ARMC9: variants seen among roughly 807,000 people sequenced by gnomAD.
ARMC9 encodes the protein lisH domain-containing protein ARMC9.
Under a neutral mutation model 107.0 loss-of-function variants are expected in ARMC9, and 94 were observed. The ratio of observed to expected loss-of-function variants is 0.88; its 90% confidence interval spans 0.74 to 1.04. ARMC9 has a LOEUF of 1.04. Ranked by LOEUF, ARMC9 falls within the 50% of genes least tolerant of loss-of-function variation. The pLI, the probability that ARMC9 is intolerant of heterozygous loss-of-function variation, is 0.00. For synonymous variants in ARMC9, 380 were observed against 396.9 expected (o/e 0.96, Z 0.51); for missense variants, 942 against 1,030.1 (o/e 0.91, Z 1.17).
chr2:231,211,194 C>T (rs2032807546), intron 3 of ARMC9, among the ~76,000 whole-genome samples: 1 of 151,866 alleles, frequency 6.6e-6, no homozygotes, highest in Non-Finnish European at 1.5e-5. Context: ...TTGATGGACA[C>T]TTGGGTTGCT....
intron 22 of ARMC9, among the ~76,000 whole-genome samples, chr2:231,359,193 T>G (rs956093134): frequency 1.3e-5 from 2 of 151,844 alleles, no homozygotes; most frequent in Non-Finnish European, 2.9e-5. Context: ...TTCAAGTGAT[T>G]CCCCTGCCTC....
intron 20 of ARMC9, among the ~76,000 whole-genome samples, chr2:231,339,678 G>A (rs964297158): frequency 1.3e-5 from 2 of 152,204 alleles, no homozygotes; most frequent in East Asian, 1.9e-4. Flanking sequence ...AGTGGCTCAC[G>A]CCTGTAATCC....
rs76645801 is a variant in ARMC9, at chr2:231,281,223, G to C, written c.1552-836G>C. Among the ~76,000 whole-genome samples the C allele has an allele frequency of 5.3e-5, 8 of 152,030 alleles. No homozygotes were observed. In the East Asian group the frequency reaches 1.4e-3, roughly 26 times the overall value. On this transcript the variant is annotated intron_variant, in intron 16 of 24. Transcript: ENST00000611582. ...AAGCGGAAGTGAGTGGCCTGTATGGGGGCAGTGGGGCGGGGGTGGGTTCAG... is the reference window on the plus strand; with the variant it reads ...AAGCGGAAGTGAGTGGCCTGTATGGCGGCAGTGGGGCGGGGGTGGGTTCAG...
At chr2:231,199,437 G>T (rs1239720882) in intron 1 of ARMC9, among the ~76,000 whole-genome samples, 2 of 152,190 alleles carry the variant, frequency 1.3e-5, no homozygotes, top group Non-Finnish European at 2.9e-5. Context: ...TCTGATTTAG[G>T]TGGTCCAGAC....
At chr2:231,204,865 A>G (rs2031722167) in intron 1 of ARMC9, among the ~76,000 whole-genome samples, 1 of 152,230 alleles carries the variant, frequency 6.6e-6, no homozygotes, top group Admixed American at 6.5e-5. Flanking sequence ...TCAGGTTTAC[A>G]GAACAAATGG....
At chr2:231,216,904 C>A in intron 5 of ARMC9, 111 bp downstream of exon 5, 1 of 1,262,008 alleles carries the variant, frequency 7.9e-7, no homozygotes, top group Non-Finnish European at 1.1e-6. Context: ...AATTTGCTTA[C>A]ATTAGTATTA....
At chr2:231,221,981 A>G (rs2034188899) in intron 5 of ARMC9, among the ~76,000 whole-genome samples, 1 of 152,090 alleles carries the variant, frequency 6.6e-6, no homozygotes, top group Non-Finnish European at 1.5e-5. Context: ...AAGGATGGAA[A>G]GGTCTGAGGG....
At chr2:231,363,831 C>G (rs1232749024) in intron 23 of ARMC9, among the ~76,000 whole-genome samples, 1 of 146,530 alleles carries the variant, frequency 6.8e-6, no homozygotes, top group African/African-American at 2.6e-5. Flanking sequence ...TTGCAGTGAG[C>G]CGAGATCGCA....
rs1365831022 is a variant in ARMC9, at chr2:231,239,948, C to T, written c.786C>T (p.Thr262=). ...LEATVSGKMI[T]PEYLQSVCVR... ...TCTTTGTATCCTCCTTGCAGATCAC[C>T]CCTGAGTACCTCCAGAGCGTCTGTG... is the stretch of plus-strand genomic sequence containing the variant. Residue 262 remains threonine, a synonymous_variant, in exon 9 of 25, where the codon ACC becomes ACT. Transcript: ENST00000611582. 6.2e-7 allele frequency: 1 copy of T among 1,613,878 alleles called. No individual in the cohort carries two copies. The highest frequency in any genetic ancestry group is 8.5e-7 in the Non-Finnish European group (1 of 1,179,828).
At chr2:231,276,856 A>T in intron 15 of ARMC9, 81 bp downstream of exon 15, 1 of 1,552,296 alleles carries the variant, frequency 6.4e-7, no homozygotes, top group Non-Finnish European at 8.7e-7. Context: ...TGAGCCTGAT[A>T]TGGTTTGCTT....
chr2:231,355,971 A>T, intron 22 of ARMC9, 37 bp downstream of exon 22: 1 of 1,522,526 alleles, frequency 6.6e-7, no homozygotes. Flanking sequence ...CAGTTCTGGG[A>T]TTGTGATGTC....
chr2:231,280,668 A>G (rs531933041), intron 16 of ARMC9, among the ~76,000 whole-genome samples: 25 of 152,296 alleles, frequency 1.6e-4, no homozygotes, highest in Admixed American at 3.9e-4. Context: ...TTGATTGGAA[A>G]AAGATGCCAT....
chr2:231,245,888 AG>A (rs2036717934), intron 9 of ARMC9, among the ~76,000 whole-genome samples: 1 of 152,152 alleles, frequency 6.6e-6, no homozygotes, highest in Non-Finnish European at 1.5e-5. Flanking sequence ...ATGCCACGAG[AG>A]GGGGCTGTTC....
intron 15 of ARMC9, 127 bp downstream of exon 15, chr2:231,276,902 T>A: frequency 7.6e-7 from 1 of 1,314,148 alleles, no homozygotes; most frequent in African/African-American, 1.5e-5. Flanking sequence ...GAAAAAGGAG[T>A]AGAAAGCATT....
chr2:231,247,623 T>C (rs550307983), intron 9 of ARMC9, among the ~76,000 whole-genome samples: 2 of 152,210 alleles, frequency 1.3e-5, no homozygotes, highest in African/African-American at 4.8e-5. Flanking sequence ...ACCAACCTGG[T>C]GATGAGAGGG....
At chr2:231,256,855 C>T (rs1199579161) in intron 10 of ARMC9, among the ~76,000 whole-genome samples, 6 of 152,124 alleles carry the variant, frequency 3.9e-5, no homozygotes, top group Non-Finnish European at 8.8e-5. Context: ...GACAGAGTTT[C>T]GCTCTTGTTG....
intron 7 of ARMC9, among the ~76,000 whole-genome samples, chr2:231,228,509 G>A (rs2034885875): frequency 1.3e-5 from 2 of 152,206 alleles, no homozygotes; most frequent in Admixed American, 6.5e-5. Context: ...CATGTTGCCT[G>A]GTTTCCAAGG....
intron 19 of ARMC9, among the ~76,000 whole-genome samples, chr2:231,325,769 G>A (rs2043279497): frequency 6.6e-6 from 1 of 152,202 alleles, no homozygotes; most frequent in Non-Finnish European, 1.5e-5. Context: ...CCGTCCCAGA[G>A]TTGACTTGGG....
At chr2:231,213,625 C>T (rs542677203) in intron 3 of ARMC9, among the ~76,000 whole-genome samples, 187 of 152,060 alleles carry the variant, frequency 1.2e-3, no homozygotes, top group Non-Finnish European at 2.1e-3. Flanking sequence ...TATAGGCATG[C>T]ACCACCATGC....
Sources: gnomAD v4.1 joint callset for allele counts (sites outside exome capture counted in the v4.1 genomes callset) on GRCh38, gnomAD v4.1.1 for gene constraint, MANE v1.5 for transcripts, NCBI Gene and HGNC (gene_info 2026-07-23, HGNC 2026-07-21) for gene names.